The following AGPAT4 variants were observed in gnomAD, a reference collection of about 807,000 sequenced individuals.
AGPAT4 encodes 1-acylglycerol-3-phosphate O-acyltransferase 4.
In AGPAT4, 15 loss-of-function variants were observed where a neutral mutation model predicts 48.0. The observed-to-expected ratio is 0.31, with a 90% CI of 0.21 to 0.48. The LOEUF is 0.48. Among genes scored for constraint, AGPAT4 ranks in the 20% least tolerant of loss-of-function variants. The probability of loss-of-function intolerance (pLI) is 0.99; values close to 1 mark genes in which losing one functional copy is unlikely to be tolerated. For missense variants in AGPAT4, 314 were observed against 482.5 expected (o/e 0.65, Z 3.27); for synonymous variants, 178 against 198.7 (o/e 0.90, Z 0.88).
chr6:161,166,325 T>C lies in AGPAT4; in HGVS notation c.271A>G (p.Ile91Val), dbSNP rs777828547. ...TCAAACTTGTGGTTGAGAACCACGA[T>C]GGCATTTTCCTTCCCATACTTGAGG... ...AYLKYGKENA[I>V]VVLNHKFEID... Residue 91 changes from isoleucine (I) to valine (V), a missense_variant, in exon 3 of 9, where the codon ATC becomes GTC. Ile to Val is a conservative substitution (Grantham distance 29, BLOSUM62 3). Transcript: ENST00000320285. This position sits in a 1 kb window ranked among gnomAD's most constrained non-coding sequence, Gnocchi z 6.7. 1.1e-5 allele frequency: 18 copies of C among 1,614,070 alleles called. No individual in the cohort carries two copies. Among genetic ancestry groups the C allele is most frequent in the Non-Finnish European group, 1.5e-5 (18 of 1,180,044 alleles).
At position 161,165,498 on chromosome 6, in the gene AGPAT4, A is replaced by T; in HGVS notation, c.348+750T>A. ...TCCCAGGTGCAAAACCTGATCTCTA[A>T]GTTCTGGTGCAAACTCTTAGGACCT... On this transcript the variant is annotated intron_variant, in intron 3 of 8. Transcript: ENST00000320285. The surrounding 1 kb of genome is among the most constrained non-coding windows in gnomAD (Gnocchi z 5.5). 1 of 954,856 alleles carries T rather than the reference A, an allele frequency of 1.0e-6. No individual in the cohort carries two copies. The highest frequency in any genetic ancestry group is 1.4e-6 in the Non-Finnish European group (1 of 736,562). The allele number at this position is 954,856 out of a possible 1,614,324, so 59.1% of individuals were successfully genotyped here. A position where few individuals can be genotyped will look rare whatever the true frequency, so the allele number is the denominator to read the frequency against.
In AGPAT4 at chr6:161,146,684, G is replaced by GTT; in HGVS notation, c.768-87_768-86dup. ...TCCAGTAACGGTGCTGCCGTTTTTT[G>GTT]TTTTTATCTGGGTCACCTAAATAAT... On this transcript the variant is annotated intron_variant, in intron 6 of 8. Coordinates refer to ENST00000320285, the MANE Select transcript of AGPAT4 (RefSeq NM_020133.3). The surrounding 1 kb of genome is among the most constrained non-coding windows in gnomAD (Gnocchi z 7.1). 7.6e-7 allele frequency: 1 copy of GTT among 1,309,120 alleles called. No individual in the cohort carries two copies. Among genetic ancestry groups the GTT allele is most frequent in the South Asian group, 1.2e-5 (1 of 81,660 alleles). 81.1% of individuals were successfully genotyped at this position (1,309,120 alleles called of 1,614,324 possible). A position where few individuals can be genotyped will look rare whatever the true frequency, so the allele number is the denominator to read the frequency against.
chr6:161,243,252 C>T lies in AGPAT4; in HGVS notation c.-89-10950G>A, dbSNP rs1782547244. Reference sequence around the variant, plus strand: ...GGGGACAGTGAAGGGGCAGCTCTCCCCTTGGGGTTACCAAAGTAGGGAAAT... The same window carrying T: ...GGGGACAGTGAAGGGGCAGCTCTCCTCTTGGGGTTACCAAAGTAGGGAAAT... On this transcript the variant is annotated intron_variant, in intron 1 of 8. Coordinates refer to ENST00000320285, the MANE Select transcript of AGPAT4 (RefSeq NM_020133.3). The surrounding 1 kb of genome is among the most constrained non-coding windows in gnomAD (Gnocchi z 4.8). Among the ~76,000 whole-genome samples, 1 of 152,076 alleles carries T rather than the reference C, an allele frequency of 6.6e-6. No homozygotes were observed. The highest frequency in any genetic ancestry group is 2.4e-5 in the African/African-American group (1 of 41,412).
chr6:161,153,104 C>A (rs138684549), intron 5 of AGPAT4, among the ~76,000 whole-genome samples: 1,918 of 152,304 alleles, frequency 0.013, 30 homozygotes, highest in Middle Eastern at 0.082. Flanking sequence ...CAGCAGAGGG[C>A]AGCGCTGGCC....
Position 161,272,490 on chromosome 6 carries a change from G to T in AGPAT4, c.-90+1448C>A, listed in dbSNP as rs987162512. ...CTGAATAAAAGCATCAGTTTAGCCG[G>T]TACCTGTTAAGAGGCTATGTCTTTC... On this transcript the variant is annotated intron_variant, in intron 1 of 8. Transcript: ENST00000320285. The surrounding 1 kb of genome is among the most constrained non-coding windows in gnomAD (Gnocchi z 4.2). Among the ~76,000 whole-genome samples the T allele has an allele frequency of 1.5e-5, 2 of 137,042 alleles. No individual in the cohort carries two copies. The highest frequency in any genetic ancestry group is 6.0e-5 in the African/African-American group (2 of 33,324). 89.9% of individuals were successfully genotyped at this position (137,042 alleles called of 152,430 possible). A position where few individuals can be genotyped will look rare whatever the true frequency, so the allele number is the denominator to read the frequency against.
At chr6:161,163,959 C>A (rs1767189562) in intron 3 of AGPAT4, among the ~76,000 whole-genome samples, 1 of 152,222 alleles carries the variant, frequency 6.6e-6, no homozygotes, top group Non-Finnish European at 1.5e-5. Flanking sequence ...CCCTTACACA[C>A]AGCATTAGTT....
rs117019068 is a variant in AGPAT4, at chr6:161,265,867, C to T, written c.-90+8071G>A. Among the ~76,000 whole-genome samples, 703 of 152,282 alleles carry T rather than the reference C, an allele frequency of 4.6e-3. 11 individuals carry two copies. The highest frequency in any genetic ancestry group is 0.034 in the East Asian group (174 of 5,182). ...AAGCACTAAATATTTGAATACTTTA[C>T]GGCCACGTGTCTACTTTTAAGTTGG... is the stretch of plus-strand genomic sequence containing the variant. On this transcript the variant is annotated intron_variant, in intron 1 of 8. Coordinates refer to ENST00000320285, the MANE Select transcript of AGPAT4 (RefSeq NM_020133.3).
In AGPAT4 at chr6:161,143,365, A is replaced by T. The variant is rs925873049; in HGVS notation, c.843+3159T>A. Among the ~76,000 whole-genome samples the T allele has an allele frequency of 5.9e-5, 9 of 152,218 alleles. No homozygotes were observed. Among genetic ancestry groups the T allele is most frequent in the African/African-American group, 2.2e-4 (9 of 41,466 alleles). On this transcript the variant is annotated intron_variant, in intron 7 of 8. Transcript: ENST00000320285. This position sits in a 1 kb window ranked among gnomAD's most constrained non-coding sequence, Gnocchi z 4.7. The stretch of plus-strand genomic sequence containing the variant: ...GCTTACTCCCAAAGGGATTACTGGC[A>T]TGAGCCACTGTGCCCAGCCTCACCT...
intron 1 of AGPAT4, among the ~76,000 whole-genome samples, chr6:161,268,717 A>G (rs765424287): frequency 2.0e-5 from 3 of 152,216 alleles, no homozygotes; most frequent in Non-Finnish European, 2.9e-5. Context: ...AACTTGCTAA[A>G]TGTTTTCTCC....
In AGPAT4 at chr6:161,232,116, A is replaced by T; in HGVS notation, c.98T>A (p.Leu33His). The change falls in exon 2 of 9, where the codon CTC becomes CAC. Residue 33 changes from leucine to histidine, a missense_variant. Transcript: ENST00000320285. This position sits in a 1 kb window ranked among gnomAD's most constrained non-coding sequence, Gnocchi z 6.8. ...ASGLIINTIQLFTLLLWPINK... is the reference protein window; with the variant it reads ...ASGLIINTIQHFTLLLWPINK... ...AATGGGCCAGAGGAGGAGAGTGAAGAGCTGAATGGTGTTGATGATTAGCCC... is the reference window on the plus strand; with the variant it reads ...AATGGGCCAGAGGAGGAGAGTGAAGTGCTGAATGGTGTTGATGATTAGCCC... 1 of 1,614,052 alleles carries T rather than the reference A, an allele frequency of 6.2e-7. No homozygotes were observed. Among genetic ancestry groups the T allele is most frequent in the Non-Finnish European group, 8.5e-7 (1 of 1,179,996 alleles).
chr6:161,140,190 C>T lies in AGPAT4; in HGVS notation c.844-570G>A, dbSNP rs1016394887. On this transcript the variant is annotated intron_variant, in intron 7 of 8. Coordinates refer to ENST00000320285, the MANE Select transcript of AGPAT4 (RefSeq NM_020133.3). This position sits in a 1 kb window ranked among gnomAD's most constrained non-coding sequence, Gnocchi z 6.5. ...GTTTGCCACTGGAGGGCTCTGAGGG[C>T]CGTGATTCAAGGCATCATGAATGAC... Among the ~76,000 whole-genome samples the T allele has an allele frequency of 2.6e-5, 4 of 152,202 alleles. No homozygotes were observed. Among genetic ancestry groups the T allele is most frequent in the African/African-American group, 4.8e-5 (2 of 41,444 alleles).
At position 161,161,574 on chromosome 6, in the gene AGPAT4, G is replaced by A; in HGVS notation, c.348+4674C>T. On this transcript the variant is annotated intron_variant, in intron 3 of 8. Coordinates refer to ENST00000320285, the MANE Select transcript of AGPAT4 (RefSeq NM_020133.3). This position sits in a 1 kb window ranked among gnomAD's most constrained non-coding sequence, Gnocchi z 4.6. ...GATGCCAGCAGTGAGCAGGGTGCAA[G>A]ACCACCCTACAGAGCTGACAAAACC... The A allele has an allele frequency of 2.3e-6, 1 of 443,918 alleles. No homozygotes were observed. The highest frequency in any genetic ancestry group is 4.6e-6 in the Non-Finnish European group (1 of 219,038). 27.5% of individuals were successfully genotyped at this position (443,918 alleles called of 1,614,324 possible). A position where few individuals can be genotyped will look rare whatever the true frequency, so the allele number is the denominator to read the frequency against.
At position 161,132,974 on chromosome 6, in the gene AGPAT4, CAA is replaced by C. The variant is rs1010263328; in HGVS notation, c.*3564_*3565del. ...TTCCTCCATACAGCCTAGGGCCCCTCAAGAGACGTGCAAACCAAAGTATTTGT... is the reference window on the plus strand; with the variant it reads ...TTCCTCCATACAGCCTAGGGCCCCTCGAGACGTGCAAACCAAAGTATTTGT... On this transcript the variant is annotated 3_prime_UTR_variant, in exon 9 of 9. Coordinates refer to ENST00000320285, the MANE Select transcript of AGPAT4 (RefSeq NM_020133.3). 1.3e-5 allele frequency: 2 copies of C among 152,248 alleles called. No individual in the cohort carries two copies. Among genetic ancestry groups the C allele is most frequent in the African/African-American group, 4.8e-5 (2 of 41,464 alleles). 9.4% of individuals were successfully genotyped at this position (152,248 alleles called of 1,614,324 possible).
intron 2 of AGPAT4, among the ~76,000 whole-genome samples, chr6:161,194,444 TTG>T (rs34145722): frequency 0.1 from 15,174 of 148,550 alleles, 2,482 homozygotes; most frequent in African/African-American, 0.35. Flanking sequence ...GTGTGTGTGT[TTG>T]TGTGTGTGTG....
In AGPAT4 at chr6:161,161,494, G is replaced by A; in HGVS notation, c.348+4754C>T. 2.2e-6 allele frequency: 1 copy of A among 456,720 alleles called. No homozygotes were observed. Among genetic ancestry groups the A allele is most frequent in the Non-Finnish European group, 4.4e-6 (1 of 226,938 alleles). The allele number at this position is 456,720 out of a possible 1,614,324, so 28.3% of individuals were successfully genotyped here. On this transcript the variant is annotated intron_variant, in intron 3 of 8. Transcript: ENST00000320285. This position sits in a 1 kb window ranked among gnomAD's most constrained non-coding sequence, Gnocchi z 4.6. ...CTAGTGCAAGGTCTGTGCCTGCAGAGCTGATGAATTCACATGGTGGCGGGC... is the reference window on the plus strand; with the variant it reads ...CTAGTGCAAGGTCTGTGCCTGCAGAACTGATGAATTCACATGGTGGCGGGC...
intron 5 of AGPAT4, among the ~76,000 whole-genome samples, chr6:161,150,425 T>C (rs1779554693): frequency 6.6e-6 from 1 of 152,212 alleles, no homozygotes; most frequent in Admixed American, 6.5e-5. Flanking sequence ...CAATAAATGA[T>C]GAGCCAGACA....
chr6:161,220,811 TCTCA>T lies in AGPAT4; in HGVS notation c.178+11221_178+11224del, dbSNP rs1175847261. Among the ~76,000 whole-genome samples, 1 of 152,012 alleles carries T rather than the reference TCTCA, an allele frequency of 6.6e-6. No homozygotes were observed. The highest frequency in any genetic ancestry group is 6.6e-5 in the Admixed American group (1 of 15,260). On this transcript the variant is annotated intron_variant, in intron 2 of 8. Coordinates refer to ENST00000320285, the MANE Select transcript of AGPAT4 (RefSeq NM_020133.3). This position sits in a 1 kb window ranked among gnomAD's most constrained non-coding sequence, Gnocchi z 6.0. ...TTTTATTTTTATTTTTGAGACAGAG[TCTCA>T]CTCTGTCACCCAGGCTGGAGTGCAG...
rs1781063648 is a variant in AGPAT4, at chr6:161,196,322, A to G, written c.179-29905T>C. On this transcript the variant is annotated intron_variant, in intron 2 of 8. Transcript: ENST00000320285. This position sits in a 1 kb window ranked among gnomAD's most constrained non-coding sequence, Gnocchi z 4.3. Reference sequence around the variant, plus strand: ...GAAACTATGAAAGTGTTTGAAAAGGAAAAAAAAGAGGCAGTCAGGGCAAAC... The same window carrying G: ...GAAACTATGAAAGTGTTTGAAAAGGGAAAAAAAGAGGCAGTCAGGGCAAAC... Among the ~76,000 whole-genome samples, 1 of 151,992 alleles carries G rather than the reference A, an allele frequency of 6.6e-6. No homozygotes were observed. Among genetic ancestry groups the G allele is most frequent in the Admixed American group, 6.6e-5 (1 of 15,252 alleles).
At position 161,149,009 on chromosome 6, in the gene AGPAT4, C is replaced by T. The variant is rs370148139; in HGVS notation, c.767+178G>A. On this transcript the variant is annotated intron_variant, in intron 6 of 8. Transcript: ENST00000320285. The surrounding 1 kb of genome is among the most constrained non-coding windows in gnomAD (Gnocchi z 6.5). Reference sequence around the variant, plus strand: ...ACAGAGGATCCGGAAGGAGCTGGGACGGAAGGAGACTTCAGCAGATCATTC... The same window carrying T: ...ACAGAGGATCCGGAAGGAGCTGGGATGGAAGGAGACTTCAGCAGATCATTC... Among the ~76,000 whole-genome samples, 7 of 152,172 alleles carry T rather than the reference C, an allele frequency of 4.6e-5. No homozygotes were observed. The highest frequency in any genetic ancestry group is 2.1e-4 in the South Asian group (1 of 4,828).
Sources: allele counts gnomAD v4.1 joint callset (sites outside exome capture counted in the v4.1 genomes callset), GRCh38; gene constraint gnomAD v4.1.1; non-coding constraint Gnocchi (gnomAD v3.1); transcripts MANE v1.5; gene names NCBI Gene and HGNC (gene_info 2026-07-23, HGNC 2026-07-21).